DRC11: variants seen among roughly 807,000 people sequenced by gnomAD.
The protein encoded by DRC11 is dynein regulatory complex subunit 11.
chr2:236,488,493 A>C, the DRC11 span, among the ~76,000 whole-genome samples: 58 of 152,352 alleles, frequency 3.8e-4, no homozygotes, highest in Admixed American at 3.7e-3. Context: ...TAAAAATGTC[A>C]ATAAAATTGA....
At chr2:236,473,149 CTAGACTACATAGTTTCATTTCATTT>C in the DRC11 span, among the ~76,000 whole-genome samples, 1 of 152,148 alleles carries the variant, frequency 6.6e-6, no homozygotes, top group African/African-American at 2.4e-5. This position sits in a 1 kb window ranked among gnomAD's most constrained non-coding sequence, Gnocchi z 4.8. Context: ...CATGACCAAG[CTAGACTACATAGTTTCATTTCATTT>C]TGAAATGAAA....
chr2:236,399,550 G>A, the DRC11 span: 4 of 1,360,904 alleles, frequency 2.9e-6, no homozygotes, highest in East Asian at 2.3e-5. This position sits in a 1 kb window ranked among gnomAD's most constrained non-coding sequence, Gnocchi z 7.0. Flanking sequence ...AGACGCAGAC[G>A]CTGTGATAAC....
chr2:236,335,164 T>A, the DRC11 span, among the ~76,000 whole-genome samples: 1 of 152,148 alleles, frequency 6.6e-6, no homozygotes, highest in Non-Finnish European at 1.5e-5. This position sits in a 1 kb window ranked among gnomAD's most constrained non-coding sequence, Gnocchi z 5.6. Context: ...TGAGCTCCAT[T>A]GCGGGTGGAG....
the DRC11 span, among the ~76,000 whole-genome samples, chr2:236,366,852 C>T: frequency 3.5e-5 from 5 of 141,138 alleles, no homozygotes; most frequent in East Asian, 9.1e-4. Flanking sequence ...CTCTTTCTTT[C>T]GATGGAGTTT....
At chr2:236,383,497 C>T in the DRC11 span, among the ~76,000 whole-genome samples, 1 of 152,014 alleles carries the variant, frequency 6.6e-6, no homozygotes, top group South Asian at 2.1e-4. Context: ...GTTTAATATT[C>T]TCCTCTTGAT....
the DRC11 span, among the ~76,000 whole-genome samples, chr2:236,418,001 C>T: frequency 2.0e-5 from 3 of 152,060 alleles, no homozygotes; most frequent in East Asian, 5.8e-4. Flanking sequence ...GGGTTGGTTC[C>T]AAGTCTTTGC....
chr2:236,506,754 G>A, the DRC11 span, among the ~76,000 whole-genome samples: 1 of 152,238 alleles, frequency 6.6e-6, no homozygotes, highest in African/African-American at 2.4e-5. This position sits in a 1 kb window ranked among gnomAD's most constrained non-coding sequence, Gnocchi z 4.9. Context: ...CTTTGTGCAA[G>A]TGCTGTGTAA....
At chr2:236,362,755 G>C in the DRC11 span, among the ~76,000 whole-genome samples, 1 of 152,134 alleles carries the variant, frequency 6.6e-6, no homozygotes, top group Non-Finnish European at 1.5e-5. This position sits in a 1 kb window ranked among gnomAD's most constrained non-coding sequence, Gnocchi z 5.7. Flanking sequence ...TGACCATAAA[G>C]TGCATGAAAA....
At chr2:236,353,610 T>G in the DRC11 span, among the ~76,000 whole-genome samples, 2 of 152,142 alleles carry the variant, frequency 1.3e-5, no homozygotes, top group African/African-American at 4.8e-5. This position sits in a 1 kb window ranked among gnomAD's most constrained non-coding sequence, Gnocchi z 5.0. Flanking sequence ...CAGCTACTAT[T>G]TTTTTCAGCT....
At chr2:236,416,741 ATATATATATATAT>A in the DRC11 span, among the ~76,000 whole-genome samples, 1 of 55,980 alleles carries the variant, frequency 1.8e-5, no homozygotes, top group Non-Finnish European at 3.8e-5. Flanking sequence ...ATATATATAT[ATATATATATATAT>A]ATATATATAT....
At chr2:236,311,127 A>G in the DRC11 span, among the ~76,000 whole-genome samples, 1 of 152,156 alleles carries the variant, frequency 6.6e-6, no homozygotes, top group Non-Finnish European at 1.5e-5. The surrounding 1 kb of genome is among the most constrained non-coding windows in gnomAD (Gnocchi z 6.9). Flanking sequence ...CACAGCCCCC[A>G]GGTGTGTGCC....
the DRC11 span, among the ~76,000 whole-genome samples, chr2:236,307,950 C>T: frequency 6.8e-6 from 1 of 146,142 alleles, no homozygotes; most frequent in South Asian, 2.1e-4. This position sits in a 1 kb window ranked among gnomAD's most constrained non-coding sequence, Gnocchi z 7.0. Flanking sequence ...TGCAGTGACA[C>T]AAGCGTCCTC....
chr2:236,397,209 A>G, the DRC11 span, among the ~76,000 whole-genome samples: 1 of 152,188 alleles, frequency 6.6e-6, no homozygotes, highest in Non-Finnish European at 1.5e-5. The surrounding 1 kb of genome is among the most constrained non-coding windows in gnomAD (Gnocchi z 5.0). Context: ...CTCATATGCT[A>G]CTTCTTGATT....
At chr2:236,495,535 C>T in the DRC11 span, among the ~76,000 whole-genome samples, 1 of 152,114 alleles carries the variant, frequency 6.6e-6, no homozygotes. This position sits in a 1 kb window ranked among gnomAD's most constrained non-coding sequence, Gnocchi z 5.6. Flanking sequence ...AAGCCTCTTC[C>T]CCACCATATA....
chr2:236,344,197 C>T, the DRC11 span, among the ~76,000 whole-genome samples: 2 of 151,998 alleles, frequency 1.3e-5, no homozygotes, highest in African/African-American at 4.8e-5. Context: ...CAATTGTGGG[C>T]CTTTTGCTAT....
chr2:236,416,751 ATATATATATAT>A, the DRC11 span, among the ~76,000 whole-genome samples: 10 of 60,186 alleles, frequency 1.7e-4, no homozygotes, highest in African/African-American at 5.8e-4. Flanking sequence ...ATATATATAT[ATATATATATAT>A]ATATATAAAT....
At chr2:236,507,136 A>T in the DRC11 span, 1 of 930,116 alleles carries the variant, frequency 1.1e-6, no homozygotes, top group Admixed American at 2.2e-5. Context: ...GGGGGAGAGG[A>T]GGGAAGTTGA....
At chr2:236,412,076 G>T in the DRC11 span, among the ~76,000 whole-genome samples, 1 of 151,762 alleles carries the variant, frequency 6.6e-6, no homozygotes, top group Non-Finnish European at 1.5e-5. Flanking sequence ...AAAATTGTTT[G>T]TAGGGATGGG....
At chr2:236,476,060 T>C in the DRC11 span, among the ~76,000 whole-genome samples, 4 of 152,188 alleles carry the variant, frequency 2.6e-5, no homozygotes, top group African/African-American at 4.8e-5. The surrounding 1 kb of genome is among the most constrained non-coding windows in gnomAD (Gnocchi z 4.7). Flanking sequence ...CTATTCAGTG[T>C]CTCTTGTGGT....
Sources: allele counts gnomAD v4.1 joint callset (sites outside exome capture counted in the v4.1 genomes callset), GRCh38; gene constraint gnomAD v4.1.1; non-coding constraint Gnocchi (gnomAD v3.1); transcripts MANE v1.5; gene names NCBI Gene and HGNC (gene_info 2026-07-23, HGNC 2026-07-21).